The following B4GALT5 variants were observed in gnomAD, a reference collection of about 807,000 sequenced individuals.
B4GALT5 encodes the protein UDP-Gal:beta-GlcNAc beta-1,4-galactosyltransferase 5.
Under a neutral mutation model 45.0 loss-of-function variants are expected in B4GALT5, and 11 were observed. The observed-to-expected ratio is 0.24, with a 90% CI of 0.15 to 0.40. B4GALT5 has a LOEUF of 0.40. Among genes scored for constraint, B4GALT5 ranks in the 10% least tolerant of loss-of-function variants. The pLI is 1.00. For missense variants in B4GALT5, 337 were observed against 500.2 expected (o/e 0.67, Z 3.11); for synonymous variants, 185 against 182.9 (o/e 1.01, Z -0.09).
chr20:49,635,293 A>T lies in B4GALT5; in HGVS notation c.*1019T>A, dbSNP rs1029835950. The T allele has an allele frequency of 7.2e-6, 1 of 138,674 alleles. No individual in the cohort carries two copies. Among genetic ancestry groups the T allele is most frequent in the South Asian group, 2.6e-4 (1 of 3,854 alleles). The allele number at this position is 138,674 out of a possible 1,614,324, so 8.6% of individuals were successfully genotyped here. ...GAACACGAAGCCTGGAGAGCCAGAGATGTGTGTGCAGCGAGCCCCGAAGGG... is the reference window on the plus strand; with the variant it reads ...GAACACGAAGCCTGGAGAGCCAGAGTTGTGTGTGCAGCGAGCCCCGAAGGG... On this transcript the variant is annotated 3_prime_UTR_variant, in exon 9 of 9. Transcript: ENST00000371711.
chr20:49,650,220 A>G (rs1453312030), intron 2 of B4GALT5, among the ~76,000 whole-genome samples: 1 of 152,200 alleles, frequency 6.6e-6, no homozygotes, highest in Non-Finnish European at 1.5e-5. Context: ...TACTAAATTA[A>G]TAATATGTCA....
intron 1 of B4GALT5, among the ~76,000 whole-genome samples, chr20:49,701,990 A>G (rs1204505080): frequency 2.6e-5 from 4 of 152,156 alleles, no homozygotes; most frequent in Non-Finnish European, 1.5e-5. Flanking sequence ...ACTTGAACCT[A>G]GGAGGCAGAG....
At chr20:49,673,030 C>T (rs2085722455) in intron 1 of B4GALT5, among the ~76,000 whole-genome samples, 1 of 152,114 alleles carries the variant, frequency 6.6e-6, no homozygotes, top group Admixed American at 6.5e-5. Flanking sequence ...GTATTCTTGC[C>T]AAAAACTTTT....
At chr20:49,638,761 T>C (rs2085564224) in intron 7 of B4GALT5, among the ~76,000 whole-genome samples, 1 of 152,058 alleles carries the variant, frequency 6.6e-6, no homozygotes, top group Admixed American at 6.6e-5. Flanking sequence ...CATTCGCTTA[T>C]AGGAATTTTT....
chr20:49,684,611 C>T (rs1568729599), intron 1 of B4GALT5: 1 of 518,864 alleles, frequency 1.9e-6, no homozygotes. Context: ...ATATCAAGGA[C>T]ATAAGCACGC....
intron 1 of B4GALT5, among the ~76,000 whole-genome samples, chr20:49,682,531 C>T (rs2085768295): frequency 6.6e-6 from 1 of 152,228 alleles, no homozygotes; most frequent in South Asian, 2.1e-4. Flanking sequence ...CAACCACTGT[C>T]TTGGCAGCGC....
Position 49,643,640 on chromosome 20 carries a change from T to C in B4GALT5, c.375A>G (p.Ile125Met). 1 of 1,613,818 alleles carries C rather than the reference T, an allele frequency of 6.2e-7. No homozygotes were observed. The highest frequency in any genetic ancestry group is 8.5e-7 in the Non-Finnish European group (1 of 1,179,794). Residue 125 changes from isoleucine to methionine, a missense_variant, in exon 4 of 9, where the codon ATA (isoleucine) becomes ATG (methionine). This residue lies in a region of B4GALT5 where 174 missense variants were observed against 207.4 expected (regional missense o/e 0.84). Coordinates refer to ENST00000371711, the MANE Select transcript of B4GALT5 (RefSeq NM_004776.4). ...TTCCAATTTCACTCATGTTTATGTCTATTGGGCCCTCTGAACAGAGACGGG... is the reference window on the plus strand; with the variant it reads ...TTCCAATTTCACTCATGTTTATGTCCATTGGGCCCTCTGAACAGAGACGGG... ...PERLPSMKGP[I>M]DINMSEIGMD...
At chr20:49,671,623 G>T (rs2085716339) in intron 1 of B4GALT5, among the ~76,000 whole-genome samples, 1 of 152,104 alleles carries the variant, frequency 6.6e-6, no homozygotes, top group African/African-American at 2.4e-5. Flanking sequence ...GGTCATCTGG[G>T]TTGTCTTTTC....
chr20:49,676,758 G>A (rs879699033), intron 1 of B4GALT5, among the ~76,000 whole-genome samples: 4 of 152,236 alleles, frequency 2.6e-5, no homozygotes, highest in Non-Finnish European at 4.4e-5. Context: ...TGGCCCATAG[G>A]GGCATGAGGG....
At chr20:49,689,092 T>G (rs1180916298) in intron 1 of B4GALT5, among the ~76,000 whole-genome samples, 2 of 152,248 alleles carry the variant, frequency 1.3e-5, no homozygotes, top group East Asian at 3.9e-4. Context: ...AGATTTGTAT[T>G]GAGTGCTAGC....
chr20:49,665,860 CA>C (rs1422350710), intron 1 of B4GALT5, among the ~76,000 whole-genome samples: 3 of 151,504 alleles, frequency 2.0e-5, no homozygotes, highest in East Asian at 1.9e-4. Context: ...AAGAGCCATC[CA>C]GGGGGAAATA....
rs770514626 is a variant in B4GALT5, at chr20:49,636,300, C to T, written c.*12G>A. On this transcript the variant is annotated 3_prime_UTR_variant, in exon 9 of 9. Transcript: ENST00000371711. ...GGTGGCGGTGGGTAAAGCAAACGTA[C>T]ATTCTCTCCTCTCAGTACTCGTTCA... The T allele has an allele frequency of 1.9e-6, 3 of 1,613,538 alleles. No homozygotes were observed. Among genetic ancestry groups the T allele is most frequent in the Admixed American group, 3.3e-5 (2 of 59,956 alleles).
At chr20:49,692,743 A>G (rs2085819957) in intron 1 of B4GALT5, among the ~76,000 whole-genome samples, 1 of 152,206 alleles carries the variant, frequency 6.6e-6, no homozygotes. Context: ...CCTCTAGACT[A>G]CATTTAACGT....
chr20:49,668,063 G>A (rs1016260278), intron 1 of B4GALT5, among the ~76,000 whole-genome samples: 1 of 151,958 alleles, frequency 6.6e-6, no homozygotes, highest in African/African-American at 2.4e-5. Context: ...GGGAGGAGGG[G>A]GGACACATAC....
chr20:49,642,760 G>A (rs2085582311), intron 4 of B4GALT5, among the ~76,000 whole-genome samples, 176 bp from the exon 5 acceptor site: 1 of 152,218 alleles, frequency 6.6e-6, no homozygotes, highest in Admixed American at 6.5e-5. Flanking sequence ...GGACCTAGAT[G>A]AATGTGATTC....
intron 1 of B4GALT5, among the ~76,000 whole-genome samples, chr20:49,705,425 C>T (rs2085879808): frequency 6.6e-6 from 1 of 152,136 alleles, no homozygotes; most frequent in Non-Finnish European, 1.5e-5. Context: ...TCCTTAGTGA[C>T]AATGATTTCA....
At chr20:49,690,432 C>T (rs1295473150) in intron 1 of B4GALT5, among the ~76,000 whole-genome samples, 2 of 151,636 alleles carry the variant, frequency 1.3e-5, no homozygotes, top group Non-Finnish European at 2.9e-5. Flanking sequence ...GCCTGTAATC[C>T]CAGCTACTCG....
chr20:49,671,580 C>T (rs1261192430), intron 1 of B4GALT5, among the ~76,000 whole-genome samples: 2 of 152,078 alleles, frequency 1.3e-5, no homozygotes, highest in Non-Finnish European at 2.9e-5. Context: ...TCAAGATGTT[C>T]AGTGTTTTTT....
At chr20:49,665,256 C>CA (rs1228241937) in intron 1 of B4GALT5, among the ~76,000 whole-genome samples, 9 of 151,298 alleles carry the variant, frequency 5.9e-5, no homozygotes, top group African/African-American at 2.2e-4. Flanking sequence ...TCTGTCTCTA[C>CA]AAAAAAATTT....
Sources: allele counts gnomAD v4.1 joint callset (sites outside exome capture counted in the v4.1 genomes callset), GRCh38; gene constraint gnomAD v4.1.1; regional missense constraint gnomAD v4.1.1; transcripts MANE v1.5; gene names NCBI Gene and HGNC (gene_info 2026-07-23, HGNC 2026-07-21).